Variants in RAD54L2 observed in about 807,000 individuals in gnomAD.
The protein encoded by RAD54L2 is helicase ARIP4.
RAD54L2 carries 27 observed loss-of-function variants against 138.4 expected under a neutral mutation model. The observed-to-expected ratio is 0.20, with a 90% CI of 0.14 to 0.27. The LOEUF is 0.27. Among genes scored for constraint, RAD54L2 ranks in the 10% least tolerant of loss-of-function variants. The probability of loss-of-function intolerance (pLI) is 1.00; values close to 1 mark genes in which losing one functional copy is unlikely to be tolerated. For synonymous variants in RAD54L2, 644 were observed against 723.2 expected (o/e 0.89, Z 1.76); for missense variants, 1,396 against 1,890.2 (o/e 0.74, Z 4.85).
intron 3 of RAD54L2, among the ~76,000 whole-genome samples, chr3:51,608,575 G>A (rs571878244): frequency 3.3e-5 from 5 of 152,312 alleles, no homozygotes; most frequent in East Asian, 1.9e-4. Context: ...CTGCAATCCC[G>A]GCACCTCGGG....
At chr3:51,562,616 G>A (rs1310823967) in intron 2 of RAD54L2, among the ~76,000 whole-genome samples, 3 of 152,166 alleles carry the variant, frequency 2.0e-5, no homozygotes, top group Admixed American at 6.5e-5. Context: ...GAGGTCACCC[G>A]CCTTGGCCTC....
At chr3:51,617,895 A>G (rs1700483531) in intron 3 of RAD54L2, among the ~76,000 whole-genome samples, 1 of 152,158 alleles carries the variant, frequency 6.6e-6, no homozygotes. Flanking sequence ...AAATATAAAT[A>G]CACACACCAC....
At chr3:51,589,592 GCA>G (rs1699790644) in intron 2 of RAD54L2, among the ~76,000 whole-genome samples, 1 of 151,320 alleles carries the variant, frequency 6.6e-6, no homozygotes. Context: ...AAAATTTGAA[GCA>G]CAGTTTCTAC....
intron 2 of RAD54L2, among the ~76,000 whole-genome samples, chr3:51,584,215 C>T (rs1699666315): frequency 6.6e-6 from 1 of 152,162 alleles, no homozygotes; most frequent in Non-Finnish European, 1.5e-5. Context: ...GGCCAGGCTA[C>T]ATTGTGCTAT....
chr3:51,607,151 G>C (rs1245001246), intron 3 of RAD54L2, among the ~76,000 whole-genome samples: 1 of 143,530 alleles, frequency 7.0e-6, no homozygotes, highest in Non-Finnish European at 1.5e-5. Flanking sequence ...GGTGTTTCTC[G>C]GAGAGGGGGA....
At position 51,614,118 on chromosome 3, in the gene RAD54L2, G is replaced by A. The variant is rs978522632; in HGVS notation, c.140-13435G>A. 4.6e-5 allele frequency among the ~76,000 whole-genome samples: 7 copies of A among 151,874 alleles called. No individual in the cohort carries two copies. In the South Asian group the frequency reaches 1.5e-3, roughly 32 times the overall value. ...GTAGTTGTTCCCATCCCTTGTGAGA[G>A]CTGAGTGGGAAGGCTGGCCATTTCA... On this transcript the variant is annotated intron_variant, in intron 3 of 22. Coordinates refer to ENST00000684192, the MANE Select transcript of RAD54L2 (RefSeq NM_015106.4).
chr3:51,601,172 G>A (rs1310482583), intron 3 of RAD54L2, among the ~76,000 whole-genome samples: 1 of 152,028 alleles, frequency 6.6e-6, no homozygotes, highest in East Asian at 1.9e-4. Flanking sequence ...CACCATGCCT[G>A]GCTAATTTTT....
chr3:51,617,959 TGTAA>T (rs1700485463), intron 3 of RAD54L2, among the ~76,000 whole-genome samples: 1 of 151,980 alleles, frequency 6.6e-6, no homozygotes, highest in Non-Finnish European at 1.5e-5. Flanking sequence ...TTTCTAGATA[TGTAA>T]GTCTTTTTTT....
rs542557090 is a variant in RAD54L2 at position 51,624,847 on chromosome 3, T to C, written c.140-2706T>C. On this transcript the variant is annotated intron_variant, in intron 3 of 22. Coordinates refer to ENST00000684192, the MANE Select transcript of RAD54L2 (RefSeq NM_015106.4). Reference sequence around the variant, plus strand: ...TAGTAATATGACAAGGAGGAGGCCATACCAAGCTATGGAAGGTGAGCAGTA... The same window carrying C: ...TAGTAATATGACAAGGAGGAGGCCACACCAAGCTATGGAAGGTGAGCAGTA... Among the ~76,000 whole-genome samples, 22 of 152,272 alleles carry C rather than the reference T, an allele frequency of 1.4e-4. No homozygotes were observed. In the South Asian group the frequency reaches 4.6e-3, roughly 32 times the overall value.
intron 20 of RAD54L2, 126 bp from the exon 21 acceptor site, chr3:51,657,454 T>C (rs1701631279): frequency 3.4e-6 from 2 of 583,200 alleles, no homozygotes; most frequent in African/African-American, 3.7e-5. Context: ...GTTCTGGACC[T>C]CTGCCCCACT....
At chr3:51,559,528 A>G (rs1373806706) in intron 2 of RAD54L2, among the ~76,000 whole-genome samples, 1 of 152,162 alleles carries the variant, frequency 6.6e-6, no homozygotes, top group Admixed American at 6.6e-5. Flanking sequence ...GGGTCTTTGC[A>G]TCTGGGTTAT....
chr3:51,576,504 A>G (rs927247146), intron 2 of RAD54L2, among the ~76,000 whole-genome samples: 6 of 151,978 alleles, frequency 3.9e-5, no homozygotes, highest in Non-Finnish European at 7.4e-5. Context: ...GTAGGCTATT[A>G]ATTATTGCCT....
At chr3:51,593,540 GC>G (rs1699886022) in intron 3 of RAD54L2, among the ~76,000 whole-genome samples, 1 of 152,058 alleles carries the variant, frequency 6.6e-6, no homozygotes, top group Non-Finnish European at 1.5e-5. Context: ...CACCGTGTTA[GC>G]CAGAATGGTC....
chr3:51,601,146 G>C (rs896065895), intron 3 of RAD54L2, among the ~76,000 whole-genome samples: 1 of 152,046 alleles, frequency 6.6e-6, no homozygotes, highest in Non-Finnish European at 1.5e-5. Flanking sequence ...TAAAATAAAT[G>C]TATTTCCTAA....
At position 51,549,167 on chromosome 3, in the gene RAD54L2, T is replaced by C. The variant is rs554235920; in HGVS notation, c.-55+7517T>C. Among the ~76,000 whole-genome samples the C allele has an allele frequency of 9.2e-5, 14 of 152,098 alleles. No individual in the cohort carries two copies. The South Asian group carries it at 2.7e-3, about 29-fold the overall frequency. ...CACCACCACGCCCAGCAAATTTTTG[T>C]ATTTGTAGTAGAGATGGGGTTTTGC... On this transcript the variant is annotated intron_variant, in intron 2 of 22. Coordinates refer to ENST00000684192, the MANE Select transcript of RAD54L2 (RefSeq NM_015106.4).
intron 19 of RAD54L2, among the ~76,000 whole-genome samples, chr3:51,650,021 G>A (rs1460604264): frequency 6.6e-6 from 1 of 152,202 alleles, no homozygotes; most frequent in Non-Finnish European, 1.5e-5. Context: ...ACCCATCAGT[G>A]TGCTGTATTC....
intron 2 of RAD54L2, among the ~76,000 whole-genome samples, chr3:51,548,821 C>CCT (rs1698763409): frequency 9.9e-6 from 1 of 101,292 alleles, no homozygotes; most frequent in Admixed American, 1.3e-4. Context: ...AGTAACTCTG[C>CCT]TTTTTTTTTT....
At chr3:51,607,726 G>A (rs536196380) in intron 3 of RAD54L2, among the ~76,000 whole-genome samples, 121 of 151,268 alleles carry the variant, frequency 8.0e-4, no homozygotes, top group African/African-American at 2.7e-3. Context: ...CGGCGGCCGG[G>A]CAGAGGGGCT....
chr3:51,644,479 C>T (rs1044349849), intron 16 of RAD54L2, among the ~76,000 whole-genome samples: 8 of 152,146 alleles, frequency 5.3e-5, no homozygotes, highest in African/African-American at 1.9e-4. Flanking sequence ...ACAACAACAA[C>T]AAAATACCCA....
Sources: allele counts gnomAD v4.1 joint callset (sites outside exome capture counted in the v4.1 genomes callset), GRCh38; gene constraint gnomAD v4.1.1; transcripts MANE v1.5; gene names NCBI Gene and HGNC (gene_info 2026-07-23, HGNC 2026-07-21).